Variants in LINGO2 observed in about 807,000 individuals in gnomAD.
The protein encoded by LINGO2 is leucine-rich repeat and immunoglobulin-like domain-containing nogo receptor-interacting protein 2.
A neutral mutation model predicts 30.6 loss-of-function variants in LINGO2; 14 were observed. That is an observed-to-expected ratio of 0.46 (90% CI 0.30 to 0.72). LINGO2 has a LOEUF of 0.72. Among genes scored for constraint, LINGO2 ranks in the 30% least tolerant of loss-of-function variants. LINGO2 has a pLI of 0.07. For synonymous variants in LINGO2, 317 were observed against 288.5 expected (o/e 1.10, Z -1.00); for missense variants, 729 against 751.7 (o/e 0.97, Z 0.35).
chr9:28,649,696 G>C (rs1304874250), intron 1 of LINGO2, among the ~76,000 whole-genome samples: 2 of 151,952 alleles, frequency 1.3e-5, no homozygotes, highest in Non-Finnish European at 2.9e-5. Context: ...CGGATGTTGT[G>C]GGAAAAAAAT....
At chr9:29,079,966 A>G in the LINGO2 span, among the ~76,000 whole-genome samples, 1 of 152,086 alleles carries the variant, frequency 6.6e-6, no homozygotes, top group African/African-American at 2.4e-5. Flanking sequence ...ATTTTATGAT[A>G]TTTAAACAGT....
At chr9:28,161,243 G>A (rs992202465) in intron 4 of LINGO2, among the ~76,000 whole-genome samples, 2 of 152,210 alleles carry the variant, frequency 1.3e-5, no homozygotes, top group Non-Finnish European at 1.5e-5. Flanking sequence ...TGGGTCCTAG[G>A]CCTCTAGGAC....
chr9:29,043,417 A>G, the LINGO2 span, among the ~76,000 whole-genome samples: 1 of 152,012 alleles, frequency 6.6e-6, no homozygotes, highest in African/African-American at 2.4e-5. Flanking sequence ...AAATTTTAAG[A>G]ATCTTATAAA....
the LINGO2 span, among the ~76,000 whole-genome samples, chr9:29,094,189 T>C: frequency 1.4e-5 from 2 of 138,534 alleles, 1 homozygote; most frequent in Non-Finnish European, 3.1e-5. Flanking sequence ...GAAAAGTAAG[T>C]ATGGGTATTG....
chr9:28,535,395 T>C (rs1310053749), intron 1 of LINGO2, among the ~76,000 whole-genome samples: 2 of 151,980 alleles, frequency 1.3e-5, no homozygotes, highest in Non-Finnish European at 2.9e-5. Context: ...TAGAAAAAAA[T>C]GCACTAATGC....
At chr9:28,062,179 C>T (rs1417962874) in intron 4 of LINGO2, among the ~76,000 whole-genome samples, 2 of 152,010 alleles carry the variant, frequency 1.3e-5, no homozygotes, top group East Asian at 3.9e-4. Context: ...AAATTCAGAT[C>T]GAATGCTGAC....
the LINGO2 span, among the ~76,000 whole-genome samples, chr9:28,945,826 G>A: frequency 0.16 from 24,338 of 152,044 alleles, 1,983 homozygotes; most frequent in South Asian, 0.2. Flanking sequence ...CAAACCTAAG[G>A]TAAAGATCTA....
chr9:28,881,606 T>G, the LINGO2 span, among the ~76,000 whole-genome samples: 1 of 152,200 alleles, frequency 6.6e-6, no homozygotes. Context: ...ACCTTTTTTT[T>G]TTTTTCAATG....
chr9:28,878,153 G>C, the LINGO2 span, among the ~76,000 whole-genome samples: 1 of 151,852 alleles, frequency 6.6e-6, no homozygotes, highest in East Asian at 1.9e-4. Context: ...TGATAAAGGG[G>C]ATATCACCAC....
At chr9:28,266,467 C>T (rs1395531040) in intron 4 of LINGO2, among the ~76,000 whole-genome samples, 1 of 151,992 alleles carries the variant, frequency 6.6e-6, no homozygotes, top group Non-Finnish European at 1.5e-5. Flanking sequence ...CCAGATTTCT[C>T]TCTCCAAATT....
chr9:29,113,571 A>G, the LINGO2 span, among the ~76,000 whole-genome samples: 3 of 152,296 alleles, frequency 2.0e-5, no homozygotes, highest in South Asian at 6.2e-4. Context: ...CGCTTACCCA[A>G]TTCTGACTAA....
At chr9:28,342,384 G>A (rs769648035) in intron 3 of LINGO2, among the ~76,000 whole-genome samples, 3 of 152,036 alleles carry the variant, frequency 2.0e-5, no homozygotes, top group South Asian at 2.1e-4. Flanking sequence ...TTATCGCTAC[G>A]TGTCATCCCA....
At chr9:28,286,889 A>C (rs1006940865) in intron 4 of LINGO2, among the ~76,000 whole-genome samples, 1 of 152,154 alleles carries the variant, frequency 6.6e-6, no homozygotes, top group Admixed American at 6.5e-5. Flanking sequence ...CGATTAAATA[A>C]TCTGTACAAC....
chr9:28,481,413 T>G (rs928497642), intron 1 of LINGO2, among the ~76,000 whole-genome samples: 1 of 152,126 alleles, frequency 6.6e-6, no homozygotes, highest in African/African-American at 2.4e-5. Context: ...CTAATTTGCA[T>G]GATTAGCCAC....
At chr9:28,364,437 A>G (rs1820580282) in intron 3 of LINGO2, among the ~76,000 whole-genome samples, 2 of 152,128 alleles carry the variant, frequency 1.3e-5, no homozygotes, top group Admixed American at 1.3e-4. Flanking sequence ...GCTGACATCA[A>G]GCACTTTTGG....
At chr9:29,105,609 C>T in the LINGO2 span, among the ~76,000 whole-genome samples, 1 of 152,156 alleles carries the variant, frequency 6.6e-6, no homozygotes, top group Non-Finnish European at 1.5e-5. Flanking sequence ...TGGGGTATCA[C>T]TCCCATGATT....
At chr9:28,789,575 C>A in the LINGO2 span, among the ~76,000 whole-genome samples, 1 of 152,044 alleles carries the variant, frequency 6.6e-6, no homozygotes, top group East Asian at 1.9e-4. Context: ...TGTTGCTAGT[C>A]AGGTTGAATT....
chr9:28,904,503 T>C, the LINGO2 span, among the ~76,000 whole-genome samples: 6,215 of 152,024 alleles, frequency 0.041, 194 homozygotes, highest in Admixed American at 0.082. Context: ...AGAAATTCCA[T>C]AGGGTTGCAG....
At chr9:27,949,126 T>C in exon 6 of LINGO2, 1 of 1,614,182 alleles carries the variant, frequency 6.2e-7, no homozygotes, top group Non-Finnish European at 8.5e-7. Flanking sequence ...GTCATGTACA[T>C]AGGGGTCCTG....
Sources: allele counts gnomAD v4.1 joint callset (sites outside exome capture counted in the v4.1 genomes callset), GRCh38; gene constraint gnomAD v4.1.1; transcripts MANE v1.5; gene names NCBI Gene and HGNC (gene_info 2026-07-23, HGNC 2026-07-21).